KCNH1: variants seen among roughly 807,000 people sequenced by gnomAD.
KCNH1 encodes potassium voltage-gated channel subfamily H member 1.
KCNH1 carries 27 observed loss-of-function variants against 69.2 expected under a neutral mutation model. That is an observed-to-expected ratio of 0.39 (90% CI 0.29 to 0.54). The LOEUF is 0.54. Among genes scored for constraint, KCNH1 ranks in the 20% least tolerant of loss-of-function variants. The probability of loss-of-function intolerance (pLI) is 0.68; values close to 1 mark genes in which losing one functional copy is unlikely to be tolerated. For missense variants in KCNH1, 798 were observed against 1,261.6 expected (o/e 0.63, Z 5.57); for synonymous variants, 456 against 487.7 (o/e 0.93, Z 0.86).
rs532029175 is a variant in KCNH1, at chr1:210,861,699, G to A, written c.1463-57533C>T. ...TCTTGAATATTTGTTTCTGGATGACGACAGACTGATCAGACTGGTCAGAAA... is the reference window on the plus strand; with the variant it reads ...TCTTGAATATTTGTTTCTGGATGACAACAGACTGATCAGACTGGTCAGAAA... On this transcript the variant is annotated intron_variant, in intron 7 of 10. Coordinates refer to ENST00000271751, the MANE Select transcript of KCNH1 (RefSeq NM_172362.3). 1,085 of 774,208 alleles carry A rather than the reference G, an allele frequency of 1.4e-3. 2 individuals are homozygous for A. The highest frequency in any genetic ancestry group is 2.1e-3 in the Non-Finnish European group (887 of 414,560). 48.0% of individuals were successfully genotyped at this position (774,208 alleles called of 1,614,324 possible). A position where few individuals can be genotyped will look rare whatever the true frequency, so the allele number is the denominator to read the frequency against.
chr1:210,770,299 C>T (rs191837976), intron 10 of KCNH1, among the ~76,000 whole-genome samples: 1 of 152,126 alleles, frequency 6.6e-6, no homozygotes, highest in African/African-American at 2.4e-5. Flanking sequence ...GTGCAGCAAA[C>T]CACAATGGCA....
Position 211,068,556 on chromosome 1 carries a change from C to T in KCNH1, c.558+14224G>A, listed in dbSNP as rs192203498. 8.5e-5 allele frequency among the ~76,000 whole-genome samples: 13 copies of T among 152,216 alleles called. No individual in the cohort carries two copies. The East Asian group carries it at 1.4e-3, about 16-fold the overall frequency. ...GACTATAGGCACATGCCACCATGCCCGGCTAATTTTTGTATTTTTAGTAGA... is the reference window on the plus strand; with the variant it reads ...GACTATAGGCACATGCCACCATGCCTGGCTAATTTTTGTATTTTTAGTAGA... On this transcript the variant is annotated intron_variant, in intron 5 of 10. Transcript: ENST00000271751.
Position 211,103,734 on chromosome 1 carries a change from C to T in KCNH1, c.204-132G>A. 3 of 588,792 alleles carry T rather than the reference C, an allele frequency of 5.1e-6. No homozygotes were observed. In the South Asian group the frequency reaches 7.5e-5, roughly 15 times the overall value. The allele number at this position is 588,792 out of a possible 1,614,324, so 36.5% of individuals were successfully genotyped here. ...CACACACACACACAATGAAAACAAT[C>T]ACTGACTCAAAAAAATTTACTGATT... On this transcript the variant is annotated intron_variant, in intron 2 of 10. Coordinates refer to ENST00000271751, the MANE Select transcript of KCNH1 (RefSeq NM_172362.3).
chr1:210,776,297 T>C (rs1683859665), intron 9 of KCNH1, among the ~76,000 whole-genome samples: 1 of 152,092 alleles, frequency 6.6e-6, no homozygotes, highest in Admixed American at 6.6e-5. Flanking sequence ...CTCCTGGTGG[T>C]ATAAAAATAT....
At chr1:210,830,322 T>C (rs575979823) in intron 7 of KCNH1, among the ~76,000 whole-genome samples, 1 of 152,296 alleles carries the variant, frequency 6.6e-6, no homozygotes, top group South Asian at 2.1e-4. Context: ...CCTTCCTCAG[T>C]GAAGCCATAT....
intron 10 of KCNH1, among the ~76,000 whole-genome samples, chr1:210,695,460 C>A (rs1574187482): frequency 6.6e-6 from 1 of 152,202 alleles, no homozygotes; most frequent in African/African-American, 2.4e-5. Context: ...AGTATATTTA[C>A]ACTGTGTTCA....
chr1:211,020,710 T>C (rs184325327), intron 5 of KCNH1, among the ~76,000 whole-genome samples: 10 of 152,120 alleles, frequency 6.6e-5, no homozygotes, highest in Admixed American at 3.3e-4. Flanking sequence ...CAAGCCAATA[T>C]TCCTGATGAA....
chr1:210,993,292 A>C (rs1023246495), intron 6 of KCNH1, among the ~76,000 whole-genome samples: 7 of 152,286 alleles, frequency 4.6e-5, no homozygotes, highest in Admixed American at 2.6e-4. Flanking sequence ...CCCACTAAGG[A>C]GTTTCTCATT....
intron 5 of KCNH1, among the ~76,000 whole-genome samples, chr1:211,050,261 A>T (rs996896898): frequency 2.3e-5 from 1 of 43,466 alleles, no homozygotes; most frequent in Admixed American, 2.1e-4. Context: ...ACACATTCTT[A>T]AAAAAAAAAA....
At chr1:210,715,545 G>A (rs1682209184) in intron 10 of KCNH1, among the ~76,000 whole-genome samples, 1 of 151,022 alleles carries the variant, frequency 6.6e-6, no homozygotes, top group Non-Finnish European at 1.5e-5. Flanking sequence ...AATGGGATTA[G>A]TTTGGCTTGG....
intron 5 of KCNH1, among the ~76,000 whole-genome samples, chr1:211,060,560 G>GA (rs1034382247): frequency 3.3e-5 from 5 of 150,072 alleles, no homozygotes; most frequent in African/African-American, 7.3e-5. Flanking sequence ...TTTTTGAAAA[G>GA]AAAAAAATCA....
intron 10 of KCNH1, among the ~76,000 whole-genome samples, chr1:210,720,855 G>A (rs1682436684): frequency 6.6e-6 from 1 of 152,054 alleles, no homozygotes; most frequent in Admixed American, 6.6e-5. Flanking sequence ...AGGAAAGTTG[G>A]GCCTCCTCAC....
At position 210,773,482 on chromosome 1, in the gene KCNH1, T is replaced by C. The variant is rs191702942; in HGVS notation, c.2112+1866A>G. ...GGTCTCTGTGCAGGGACCCACAAGA[T>C]AGTCCAAGGGATTTAAAACAGGTGG... On this transcript the variant is annotated intron_variant, in intron 10 of 10. Coordinates refer to ENST00000271751, the MANE Select transcript of KCNH1 (RefSeq NM_172362.3). Among the ~76,000 whole-genome samples, 5 of 152,326 alleles carry C rather than the reference T, an allele frequency of 3.3e-5. No individual in the cohort carries two copies. In the East Asian group the frequency reaches 7.7e-4, roughly 24 times the overall value.
chr1:211,082,935 C>A, intron 4 of KCNH1, 37 bp from the exon 5 acceptor site: 1 of 1,544,668 alleles, frequency 6.5e-7, no homozygotes, highest in Non-Finnish European at 8.9e-7. Flanking sequence ...CAGGGTCAAC[C>A]ACATCCCAAA....
At chr1:210,769,624 A>G (rs1016612741) in intron 10 of KCNH1, among the ~76,000 whole-genome samples, 4 of 152,208 alleles carry the variant, frequency 2.6e-5, no homozygotes, top group East Asian at 1.9e-4. Flanking sequence ...CGCCCTCCCA[A>G]TTACCTACGT....
chr1:210,894,194 T>G (rs1275489985), intron 7 of KCNH1, among the ~76,000 whole-genome samples: 1 of 152,226 alleles, frequency 6.6e-6, no homozygotes, highest in Admixed American at 6.6e-5. Flanking sequence ...CCTACACGTA[T>G]TTTTGAGCTT....
At chr1:211,002,175 T>G (rs1689195857) in intron 6 of KCNH1, among the ~76,000 whole-genome samples, 1 of 151,972 alleles carries the variant, frequency 6.6e-6, no homozygotes, top group African/African-American at 2.4e-5. Flanking sequence ...TGCGCACATG[T>G]ACCCTAGAAC....
At chr1:210,977,293 G>A (rs1027269817) in intron 6 of KCNH1, among the ~76,000 whole-genome samples, 8 of 152,248 alleles carry the variant, frequency 5.3e-5, no homozygotes, top group South Asian at 2.1e-4. Flanking sequence ...GGGGCCTGTC[G>A]TGAGGTGGGG....
intron 7 of KCNH1, among the ~76,000 whole-genome samples, chr1:210,810,371 T>G (rs537315537): frequency 1.3e-5 from 2 of 152,214 alleles, no homozygotes; most frequent in Non-Finnish European, 2.9e-5. Context: ...ACCTTTTTGC[T>G]ATGGTTCCAT....
Sources: gnomAD v4.1 joint callset for allele counts (sites outside exome capture counted in the v4.1 genomes callset) on GRCh38, gnomAD v4.1.1 for gene constraint, MANE v1.5 for transcripts, NCBI Gene and HGNC (gene_info 2026-07-23, HGNC 2026-07-21) for gene names.